NUBPL: variants seen among roughly 807,000 people sequenced by gnomAD.
NUBPL encodes iron-sulfur cluster transfer protein NUBPL.
Under a neutral mutation model 45.7 loss-of-function variants are expected in NUBPL, and 31 were observed. The observed-to-expected ratio is 0.68, with a 90% confidence interval of 0.51 to 0.92. NUBPL has a LOEUF of 0.92. Among genes scored for constraint, NUBPL ranks in the 40% least tolerant of loss-of-function variants. The pLI, the probability that NUBPL is intolerant of heterozygous loss-of-function variation, is 0.00. For missense variants in NUBPL, 401 were observed against 398.7 expected (o/e 1.01, Z -0.05); for synonymous variants, 144 against 140.9 (o/e 1.02, Z -0.15).
At chr14:31,599,129 G>A in intron 3 of NUBPL, 160 bp from the exon 4 acceptor site, 1 of 668,838 alleles carries the variant, frequency 1.5e-6, no homozygotes, top group East Asian at 2.8e-5. Context: ...TTACTTAACT[G>A]TTGCTTTGGA....
At chr14:31,654,538 A>T (rs962083312) in intron 4 of NUBPL, among the ~76,000 whole-genome samples, 31 of 151,586 alleles carry the variant, frequency 2.0e-4, no homozygotes, top group African/African-American at 7.5e-4. Flanking sequence ...CCTCCAGAGT[A>T]GCTGGGACTG....
Position 31,760,144 on chromosome 14 carries a change from T to TGTGTGTGTGA in NUBPL, c.514-27635_514-27634insTGTGTGTGAG. On this transcript the variant is annotated intron_variant, in intron 6 of 10. Transcript: ENST00000281081. ...TGACTTTAGTGTGTGTGTGTGTGTG[T>TGTGTGTGTGA]GAGAGAGAGAGAGAGAGAGAGAGAG... is the stretch of plus-strand genomic sequence containing the variant. Among the ~76,000 whole-genome samples, 18 of 34,846 alleles carry TGTGTGTGTGA rather than the reference T, an allele frequency of 5.2e-4. 1 individual carries two copies. The highest frequency in any genetic ancestry group is 1.4e-3 in the African/African-American group (13 of 9,262). 22.9% of individuals were successfully genotyped at this position (34,846 alleles called of 152,430 possible). A position where few individuals can be genotyped will look rare whatever the true frequency, so the allele number is the denominator to read the frequency against.
At chr14:31,580,505 C>T (rs994125375) in intron 3 of NUBPL, among the ~76,000 whole-genome samples, 4 of 152,138 alleles carry the variant, frequency 2.6e-5, no homozygotes, top group African/African-American at 9.7e-5. Context: ...GTAGTCCCAG[C>T]TACTCAGAAG....
At chr14:31,640,020 T>G in intron 4 of NUBPL, among the ~76,000 whole-genome samples, 1 of 152,228 alleles carries the variant, frequency 6.6e-6, no homozygotes, top group East Asian at 1.9e-4. Context: ...GGGAACTCCC[T>G]GACCCGTTGT....
At chr14:31,668,027 G>A (rs1170075597) in intron 4 of NUBPL, 4 of 152,948 alleles carry the variant, frequency 2.6e-5, no homozygotes, top group South Asian at 2.1e-4. Flanking sequence ...ACGAGGCACA[G>A]GTGTCAGGGA....
chr14:31,643,590 T>C (rs943565961), intron 4 of NUBPL, among the ~76,000 whole-genome samples: 2 of 152,118 alleles, frequency 1.3e-5, no homozygotes, highest in African/African-American at 4.8e-5. Context: ...TGTTCATTAG[T>C]GTTGTTGGGT....
chr14:31,648,355 A>T (rs563750831), intron 4 of NUBPL, among the ~76,000 whole-genome samples: 2 of 152,366 alleles, frequency 1.3e-5, no homozygotes, highest in Middle Eastern at 3.4e-3. Flanking sequence ...GGAAATTCAC[A>T]TGCTAGTCAG....
In NUBPL at chr14:31,850,099, T is replaced by C. The variant is rs374785867; in HGVS notation, c.815-20T>C. Reference sequence around the variant, plus strand: ...TATGAACTTTTCTGGTTCTAATGGATGTCTGCTGGGCTCTTTTAGGAGACA... The same window carrying C: ...TATGAACTTTTCTGGTTCTAATGGACGTCTGCTGGGCTCTTTTAGGAGACA... On this transcript the variant is annotated intron_variant, in intron 9 of 10. Coordinates refer to ENST00000281081, the MANE Select transcript of NUBPL (RefSeq NM_025152.3). 18 of 1,591,960 alleles carry C rather than the reference T, an allele frequency of 1.1e-5. No homozygotes were observed. In the African/African-American group the frequency reaches 2.4e-4, roughly 21 times the overall value.
At chr14:31,636,669 C>T in intron 4 of NUBPL, among the ~76,000 whole-genome samples, 1 of 152,122 alleles carries the variant, frequency 6.6e-6, no homozygotes. Flanking sequence ...GGAATGGTAC[C>T]AGTTCCTTCT....
intron 6 of NUBPL, among the ~76,000 whole-genome samples, chr14:31,739,258 T>TCTATATATATA (rs2038232042): frequency 7.4e-6 from 1 of 135,358 alleles, no homozygotes; most frequent in African/African-American, 2.9e-5. Flanking sequence ...ATATATTTTT[T>TCTATATATATA]TTTTTTAGTA....
At chr14:31,725,067 A>G (rs578237678) in intron 6 of NUBPL, among the ~76,000 whole-genome samples, 1 of 152,208 alleles carries the variant, frequency 6.6e-6, no homozygotes, top group Non-Finnish European at 1.5e-5. Context: ...CAAATATGAT[A>G]AAAGCAATTG....
At chr14:31,818,575 C>T (rs2039964015) in intron 7 of NUBPL, among the ~76,000 whole-genome samples, 1 of 148,574 alleles carries the variant, frequency 6.7e-6, no homozygotes, top group Non-Finnish European at 1.5e-5. Context: ...GAGTTGGAGT[C>T]TCGCACTGTC....
At chr14:31,703,485 G>T (rs1050339660) in intron 6 of NUBPL, among the ~76,000 whole-genome samples, 61 of 152,310 alleles carry the variant, frequency 4.0e-4, no homozygotes, top group African/African-American at 1.4e-3. Flanking sequence ...ACCTGAGACT[G>T]GGGAGAAACT....
At chr14:31,646,417 C>T (rs1171778492) in intron 4 of NUBPL, among the ~76,000 whole-genome samples, 1 of 152,056 alleles carries the variant, frequency 6.6e-6, no homozygotes, top group African/African-American at 2.4e-5. Flanking sequence ...GAACTCCTGA[C>T]CTCATGTGAT....
chr14:31,817,953 G>A (rs142678172), intron 7 of NUBPL, among the ~76,000 whole-genome samples: 23,859 of 151,670 alleles, frequency 0.16, 5,409 homozygotes, highest in African/African-American at 0.51. Flanking sequence ...TCAAAATAAA[G>A]GGATGGAGGA....
chr14:31,727,016 G>A (rs1296356734), intron 6 of NUBPL, among the ~76,000 whole-genome samples: 1 of 151,972 alleles, frequency 6.6e-6, no homozygotes, highest in South Asian at 2.1e-4. Context: ...GTCACCAAAC[G>A]TTCCTTTAGG....
At chr14:31,681,490 A>G (rs2036832882) in intron 6 of NUBPL, among the ~76,000 whole-genome samples, 1 of 151,300 alleles carries the variant, frequency 6.6e-6, no homozygotes, top group Non-Finnish European at 1.5e-5. Flanking sequence ...TTTTTTCAAA[A>G]AAACCGACTT....
rs116075753 is a variant in NUBPL, at chr14:31,778,182, G to A, written c.514-9598G>A. On this transcript the variant is annotated intron_variant, in intron 6 of 10. Coordinates refer to ENST00000281081, the MANE Select transcript of NUBPL (RefSeq NM_025152.3). The stretch of plus-strand genomic sequence containing the variant: ...ATAGATGGGAATTTGCATAAGATCT[G>A]TCTGTGGCCAGATCTCCTGGTGAGG... Among the ~76,000 whole-genome samples, 996 of 152,332 alleles carry A rather than the reference G, an allele frequency of 6.5e-3. 12 individuals are homozygous for A. Among genetic ancestry groups the A allele is most frequent in the African/African-American group, 0.022 (933 of 41,590 alleles).
At chr14:31,859,052 C>T in intron 10 of NUBPL, 66 bp from the exon 11 acceptor site, 1 of 1,400,112 alleles carries the variant, frequency 7.1e-7, no homozygotes, top group Middle Eastern at 1.8e-4. Context: ...CTATAACAAA[C>T]AGTTGATGAG....
Sources: allele counts gnomAD v4.1 joint callset (sites outside exome capture counted in the v4.1 genomes callset), GRCh38; gene constraint gnomAD v4.1.1; transcripts MANE v1.5; gene names NCBI Gene and HGNC (gene_info 2026-07-23, HGNC 2026-07-21).